Variants in GTF3C1 observed in about 807,000 individuals in gnomAD.
The protein encoded by GTF3C1 is general transcription factor IIIC subunit 1.
A neutral mutation model predicts 226.7 loss-of-function variants in GTF3C1; 57 were observed. The observed-to-expected ratio is 0.25, with a 90% CI of 0.20 to 0.31. The LOEUF (loss-of-function observed/expected upper bound fraction) is 0.31, where lower values mean the gene tolerates loss of function less well. GTF3C1 is among the 10% of genes least tolerant of loss of function. The pLI, the probability that GTF3C1 is intolerant of heterozygous loss-of-function variation, is 1.00. For synonymous variants in GTF3C1, 1,090 were observed against 1,084.8 expected (o/e 1.00, Z -0.09); for missense variants, 2,217 against 2,776.1 (o/e 0.80, Z 4.53).
chr16:27,467,026 C>T (rs2087795707), intron 32 of GTF3C1, among the ~76,000 whole-genome samples: 2 of 152,228 alleles, frequency 1.3e-5, no homozygotes, highest in Admixed American at 1.3e-4. Flanking sequence ...GATGGAGAAG[C>T]TGCAGCAAGT....
Position 27,506,998 on chromosome 16 carries a change from C to T in GTF3C1, c.1401G>A (p.Leu467=). The change falls in exon 9 of 37, where the codon CTG becomes CTA. Residue 467 remains leucine, a synonymous_variant. Coordinates refer to ENST00000356183, the MANE Select transcript of GTF3C1 (RefSeq NM_001520.4). ...AGAGGAAGGTGTCCTCGCCTTCAGG[C>T]AGAAGCGACTCCTCCTGCATAGACG... is the stretch of plus-strand genomic sequence containing the variant. ...SLASMQEESL[L]PEGEDTFLSE... is the part of the protein sequence containing the mutation. The T allele has an allele frequency of 6.2e-7, 1 of 1,613,862 alleles. No individual in the cohort carries two copies.
At chr16:27,476,135 G>A (rs954845137) in intron 29 of GTF3C1, among the ~76,000 whole-genome samples, 8 of 152,170 alleles carry the variant, frequency 5.3e-5, no homozygotes, top group African/African-American at 1.9e-4. Context: ...AGGAGAGATC[G>A]CCAAGTGTGC....
rs2088249255 is a variant in GTF3C1 at position 27,492,569 on chromosome 16, A to C, written c.2973+48T>G. Reference sequence around the variant, plus strand: ...CCACATTGGGTCTGGCTGCTTGGAGACCGTTTAACAATCAGAATTTCCTTC... The same window carrying C: ...CCACATTGGGTCTGGCTGCTTGGAGCCCGTTTAACAATCAGAATTTCCTTC... On this transcript the variant is annotated intron_variant, in intron 18 of 36. Coordinates refer to ENST00000356183, the MANE Select transcript of GTF3C1 (RefSeq NM_001520.4). This position sits in a 1 kb window ranked among gnomAD's most constrained non-coding sequence, Gnocchi z 5.0. 5.2e-6 allele frequency: 8 copies of C among 1,541,102 alleles called. No individual in the cohort carries two copies. Among genetic ancestry groups the C allele is most frequent in the Non-Finnish European group, 7.2e-6 (8 of 1,113,654 alleles).
intron 19 of GTF3C1, among the ~76,000 whole-genome samples, chr16:27,490,771 T>C (rs2088221231): frequency 6.6e-6 from 1 of 152,204 alleles, no homozygotes; most frequent in Admixed American, 6.5e-5. Flanking sequence ...CTAATGTTCA[T>C]GCAGCACCTG....
intron 7 of GTF3C1, among the ~76,000 whole-genome samples, chr16:27,510,294 G>A (rs148861109): frequency 6.6e-6 from 1 of 152,074 alleles, no homozygotes; most frequent in Non-Finnish European, 1.5e-5. Context: ...GCTGAGGCAG[G>A]AGAATGGCGT....
intron 25 of GTF3C1, 29 bp from the exon 26 acceptor site, chr16:27,483,154 CTGGGAATTGCAATGA>C: frequency 1.2e-6 from 2 of 1,602,508 alleles, no homozygotes; most frequent in Non-Finnish European, 1.7e-6. Context: ...AAGCTGAAGT[CTGGGAATTGCAATGA>C]TGCCCATGTT....
intron 7 of GTF3C1, among the ~76,000 whole-genome samples, chr16:27,509,092 TC>T (rs1377051949): frequency 6.6e-6 from 1 of 152,212 alleles, no homozygotes; most frequent in Non-Finnish European, 1.5e-5. Context: ...ATTCTTCATT[TC>T]CCAGTATTTC....
Position 27,484,323 on chromosome 16 carries a change from C to A in GTF3C1, c.3889G>T (p.Val1297Leu). The change falls in exon 25 of 37, where the codon GTA becomes TTA. Residue 1297 changes from valine (V) to leucine (L), a missense_variant. Physicochemically the swap from Val to Leu is conservative, Grantham distance 32. Transcript: ENST00000356183. The part of the protein sequence containing the change: ...VKGPFVTWQV[V>L]RDILHATFEE... Reference sequence around the variant, plus strand: ...AACGTGGCATGCAAAATGTCCCGTACCACCTGCCAGGTGACAAATGGGCCC... The same window carrying A: ...AACGTGGCATGCAAAATGTCCCGTAACACCTGCCAGGTGACAAATGGGCCC... 1 of 1,609,720 alleles carries A rather than the reference C, an allele frequency of 6.2e-7. No homozygotes were observed. Among genetic ancestry groups the A allele is most frequent in the Non-Finnish European group, 8.5e-7 (1 of 1,176,044 alleles).
intron 4 of GTF3C1, among the ~76,000 whole-genome samples, chr16:27,533,593 C>T (rs756553158): frequency 2.6e-5 from 4 of 152,202 alleles, no homozygotes; most frequent in African/African-American, 7.2e-5. Flanking sequence ...CTGTCACGTC[C>T]AAGGCCACCT....
At chr16:27,533,111 A>G (rs932686418) in intron 5 of GTF3C1, among the ~76,000 whole-genome samples, 180 bp downstream of exon 5, 10 of 152,222 alleles carry the variant, frequency 6.6e-5, no homozygotes, top group African/African-American at 1.9e-4. Flanking sequence ...CAGCCAGGGC[A>G]ACAGAGCAAG....
Position 27,507,378 on chromosome 16 carries a change from T to G in GTF3C1, c.1243-222A>C, listed in dbSNP as rs1357015020. Among the ~76,000 whole-genome samples, 1 of 151,518 alleles carries G rather than the reference T, an allele frequency of 6.6e-6. No homozygotes were observed. Among genetic ancestry groups the G allele is most frequent in the Non-Finnish European group, 1.5e-5 (1 of 68,028 alleles). Reference sequence around the variant, plus strand: ...GAGATCCTTCTCTGAAGTACAACCCTGAATGTGTGTCTGCTCTATGAGGCT... The same window carrying G: ...GAGATCCTTCTCTGAAGTACAACCCGGAATGTGTGTCTGCTCTATGAGGCT... On this transcript the variant is annotated intron_variant, in intron 8 of 36. Transcript: ENST00000356183. The surrounding 1 kb of genome is among the most constrained non-coding windows in gnomAD (Gnocchi z 4.9).
intron 32 of GTF3C1, chr16:27,465,841 C>G: frequency 2.5e-6 from 1 of 401,684 alleles, no homozygotes; most frequent in East Asian, 5.0e-5. Context: ...GACTGAGGTT[C>G]GAGAACTGTA....
rs770483477 is a variant in GTF3C1 at position 27,481,180 on chromosome 16, G to A, written c.4095C>T (p.Asn1365=). 11 of 1,614,052 alleles carry A rather than the reference G, an allele frequency of 6.8e-6. No homozygotes were observed. Among genetic ancestry groups the A allele is most frequent in the South Asian group, 4.4e-5 (4 of 91,080 alleles). The stretch of plus-strand genomic sequence containing the variant: ...GCTTCTCCACAAATTCTTTAAACTC[G>A]TTGGCACAAACCTTTCAACATGAGA... ...GDYDDPKVCA[N]EFKEFVEKLK... Residue 1365 remains asparagine, a synonymous_variant, in exon 27 of 37, where the codon AAC becomes AAT. Transcript: ENST00000356183.
At chr16:27,475,119 G>A (rs1223045031) in intron 29 of GTF3C1, among the ~76,000 whole-genome samples, 3 of 152,218 alleles carry the variant, frequency 2.0e-5, no homozygotes, top group Non-Finnish European at 2.9e-5. Context: ...TAACAAGCAC[G>A]TGCAGCGCCC....
chr16:27,468,725 C>T (rs555755003), intron 32 of GTF3C1, among the ~76,000 whole-genome samples: 10 of 152,216 alleles, frequency 6.6e-5, no homozygotes, highest in South Asian at 2.1e-4. Flanking sequence ...AGCGAGTCCC[C>T]GTCTCAATCA....
chr16:27,491,987 T>TA (rs2088239600), intron 19 of GTF3C1, among the ~76,000 whole-genome samples: 1 of 152,124 alleles, frequency 6.6e-6, no homozygotes, highest in South Asian at 2.1e-4. Flanking sequence ...CTCTTCACAC[T>TA]AGATTTTGAG....
intron 29 of GTF3C1, among the ~76,000 whole-genome samples, chr16:27,476,029 G>A (rs2087945631): frequency 6.6e-6 from 1 of 152,162 alleles, no homozygotes; most frequent in African/African-American, 2.4e-5. Context: ...GCCAAGGGGT[G>A]CAAAGCTTCA....
Position 27,471,662 on chromosome 16 carries a change from CAT to C in GTF3C1, c.4526+84_4526+85del. 1 of 1,121,880 alleles carries C rather than the reference CAT, an allele frequency of 8.9e-7. No individual in the cohort carries two copies. Among genetic ancestry groups the C allele is most frequent in the East Asian group, 2.4e-5 (1 of 42,256 alleles). 69.5% of individuals were successfully genotyped at this position (1,121,880 alleles called of 1,614,324 possible). A position where few individuals can be genotyped will look rare whatever the true frequency, so the allele number is the denominator to read the frequency against. The stretch of plus-strand genomic sequence containing the variant: ...AAGGTCCCTGGCTCCTACACGCTTT[CAT>C]GGCCACAGTGCTTCCTTTGCTCCTC... On this transcript the variant is annotated intron_variant, in intron 30 of 36. Transcript: ENST00000356183. The surrounding 1 kb of genome is among the most constrained non-coding windows in gnomAD (Gnocchi z 5.0).
chr16:27,498,844 TC>T lies in GTF3C1; in HGVS notation c.2062-112del. 1.5e-5 allele frequency: 11 copies of T among 711,354 alleles called. No individual in the cohort carries two copies. In the South Asian group the frequency reaches 1.7e-4, roughly 11 times the overall value. 44.1% of individuals were successfully genotyped at this position (711,354 alleles called of 1,614,324 possible). A position where few individuals can be genotyped will look rare whatever the true frequency, so the allele number is the denominator to read the frequency against. ...AGTCATACCTGTTTTCATTAACATTTCCAAAACACGATTAGGAGATCGAAAC... is the reference window on the plus strand; with the variant it reads ...AGTCATACCTGTTTTCATTAACATTTCAAAACACGATTAGGAGATCGAAAC... On this transcript the variant is annotated intron_variant, in intron 12 of 36. Coordinates refer to ENST00000356183, the MANE Select transcript of GTF3C1 (RefSeq NM_001520.4).
Sources: gnomAD v4.1 joint callset for allele counts (sites outside exome capture counted in the v4.1 genomes callset) on GRCh38, gnomAD v4.1.1 for gene constraint, Gnocchi (gnomAD v3.1) non-coding constraint, MANE v1.5 for transcripts, NCBI Gene and HGNC (gene_info 2026-07-23, HGNC 2026-07-21) for gene names.